JMJD1C: variants seen among roughly 807,000 people sequenced by gnomAD.
JMJD1C encodes jumonji domain containing 1C.
Under a neutral mutation model 245.3 loss-of-function variants are expected in JMJD1C, and 31 were observed. The observed-to-expected ratio is 0.13, with a 90% CI of 0.09 to 0.17. The LOEUF (loss-of-function observed/expected upper bound fraction) is 0.17, where lower values mean the gene tolerates loss of function less well. JMJD1C is among the 10% of genes least tolerant of loss of function. JMJD1C has a pLI of 1.00. For missense variants in JMJD1C, 2,691 were observed against 3,000.2 expected, an observed-to-expected ratio of 0.90 and a Z score of 2.41; for synonymous variants, 1,057 against 1,017.4, an observed-to-expected ratio of 1.04 and a Z score of -0.74.
intron 1 of JMJD1C, among the ~76,000 whole-genome samples, chr10:63,510,071 C>T (rs1286552656): frequency 3.3e-5 from 5 of 151,218 alleles, no homozygotes; most frequent in African/African-American, 7.3e-5. Context: ...GGCGTGATCT[C>T]GGCTCACTGC....
At chr10:63,396,267 T>A (rs1321343041) in intron 1 of JMJD1C, among the ~76,000 whole-genome samples, 1 of 152,108 alleles carries the variant, frequency 6.6e-6, no homozygotes, top group Non-Finnish European at 1.5e-5. Flanking sequence ...AATGAGACAA[T>A]AATCTCGAAC....
chr10:63,408,875 G>C (rs1589691622), intron 1 of JMJD1C, among the ~76,000 whole-genome samples: 1 of 152,028 alleles, frequency 6.6e-6, no homozygotes. Context: ...AGATATAAAG[G>C]CCTGAGGAAA....
intron 2 of JMJD1C, among the ~76,000 whole-genome samples, chr10:63,300,431 T>C (rs749722894): frequency 6.6e-6 from 1 of 152,254 alleles, no homozygotes; most frequent in African/African-American, 2.4e-5. Context: ...AATGGTATTA[T>C]TGTTTCAAGA....
chr10:63,302,823 G>T (rs1377152779), intron 2 of JMJD1C, among the ~76,000 whole-genome samples: 1 of 152,174 alleles, frequency 6.6e-6, no homozygotes, highest in Non-Finnish European at 1.5e-5. Flanking sequence ...GTAGATTCAA[G>T]TCACAATCAA....
intron 2 of JMJD1C, among the ~76,000 whole-genome samples, chr10:63,289,354 C>T (rs1343380499): frequency 3.3e-5 from 5 of 152,082 alleles, no homozygotes; most frequent in Non-Finnish European, 5.9e-5. Context: ...TGGTAAGTTA[C>T]TTTCTAATGA....
chr10:63,478,425 A>G (rs150037289), intron 1 of JMJD1C, among the ~76,000 whole-genome samples: 2 of 152,362 alleles, frequency 1.3e-5, no homozygotes, highest in Non-Finnish European at 2.9e-5. Flanking sequence ...ATGGAGTGCT[A>G]CTCAACAATA....
At chr10:63,493,249 C>CTTTTTTTTTTTTTTTTTTT (rs752941477) in intron 1 of JMJD1C, among the ~76,000 whole-genome samples, 2 of 49,136 alleles carry the variant, frequency 4.1e-5, no homozygotes, top group African/African-American at 8.6e-5. Context: ...ACTGTTATTT[C>CTTTTTTTTTTTTTTTTTTT]TTTTTTTTTT....
At chr10:63,394,222 T>A (rs567290355) in intron 1 of JMJD1C, among the ~76,000 whole-genome samples, 1 of 146,298 alleles carries the variant, frequency 6.8e-6, no homozygotes, top group Non-Finnish European at 1.5e-5. Context: ...TAAAGGTATA[T>A]GGCATCAAAA....
intron 1 of JMJD1C, among the ~76,000 whole-genome samples, chr10:63,382,425 A>G (rs565695820): frequency 6.6e-6 from 1 of 152,294 alleles, no homozygotes; most frequent in Non-Finnish European, 1.5e-5. Flanking sequence ...TTAATGTAAT[A>G]TACATTAACA....
In JMJD1C at chr10:63,183,514, A is replaced by C; in HGVS notation, c.7017T>G (p.Val2339=). The change falls in exon 22 of 26, where the codon GTT becomes GTG. Residue 2339 remains valine, a synonymous_variant. Coordinates refer to ENST00000399262, the MANE Select transcript of JMJD1C (RefSeq NM_032776.3). ...DIGTTNLHIE[V]SDVVNILVYV... is the part of the protein sequence containing the mutation. ...AAACTAGTATATTTACAACATCAGAAACTTCAATATGGAGATTTGTTGTTC... is the reference window on the plus strand; with the variant it reads ...AAACTAGTATATTTACAACATCAGACACTTCAATATGGAGATTTGTTGTTC... 6.2e-7 allele frequency: 1 copy of C among 1,607,424 alleles called. No individual in the cohort carries two copies. Among genetic ancestry groups the C allele is most frequent in the East Asian group, 2.2e-5 (1 of 44,648 alleles).
intron 3 of JMJD1C, among the ~76,000 whole-genome samples, chr10:63,242,804 C>G (rs914988166): frequency 1.3e-5 from 2 of 151,924 alleles, no homozygotes; most frequent in South Asian, 2.1e-4. Flanking sequence ...CCAAACAGAC[C>G]TATTTATTTT....
chr10:63,397,374 C>T (rs1052763706), intron 1 of JMJD1C, among the ~76,000 whole-genome samples: 2 of 151,972 alleles, frequency 1.3e-5, no homozygotes, highest in Non-Finnish European at 2.9e-5. Flanking sequence ...CCACCACACC[C>T]GGCTTATTTT....
At chr10:63,291,129 A>ACT (rs1301789525) in intron 2 of JMJD1C, among the ~76,000 whole-genome samples, 1 of 147,730 alleles carries the variant, frequency 6.8e-6, no homozygotes, top group Admixed American at 6.8e-5. Flanking sequence ...ACACGGTGAA[A>ACT]CTCTCTCTCT....
intron 8 of JMJD1C, among the ~76,000 whole-genome samples, chr10:63,211,113 T>C (rs1161839915): frequency 6.6e-6 from 1 of 152,200 alleles, no homozygotes; most frequent in African/African-American, 2.4e-5. Context: ...CTTTCAAAAC[T>C]GGTAGACCTT....
intron 2 of JMJD1C, among the ~76,000 whole-genome samples, chr10:63,329,288 A>G (rs971524395): frequency 2.6e-5 from 4 of 151,918 alleles, no homozygotes; most frequent in South Asian, 2.1e-4. Context: ...TCAAAAAAAA[A>G]AAAGAAAGAA....
At chr10:63,364,063 C>A (rs1182733640) in intron 2 of JMJD1C, among the ~76,000 whole-genome samples, 2 of 152,072 alleles carry the variant, frequency 1.3e-5, no homozygotes, top group African/African-American at 4.8e-5. Context: ...CTGGGTTTCA[C>A]CATATTAGCC....
At chr10:63,239,811 G>C (rs1401798766) in intron 3 of JMJD1C, among the ~76,000 whole-genome samples, 1 of 152,154 alleles carries the variant, frequency 6.6e-6, no homozygotes, top group Non-Finnish European at 1.5e-5. Flanking sequence ...GATACAGAAT[G>C]ATCAGGAAGA....
chr10:63,249,654 T>C (rs1039789322), intron 3 of JMJD1C, among the ~76,000 whole-genome samples: 2 of 151,968 alleles, frequency 1.3e-5, no homozygotes, highest in African/African-American at 4.8e-5. Context: ...AGGTCAGGAG[T>C]TCCAGACCAG....
chr10:63,292,144 A>ATTTTTTTTTTTTTTTTTTTTTTTTTTT lies in JMJD1C; in HGVS notation c.334-27381_334-27380insAAAAAAAAAAAAAAAAAAAAAAAAAAA. 1.8e-3 allele frequency among the ~76,000 whole-genome samples: 99 copies of ATTTTTTTTTTTTTTTTTTTTTTTTTTT among 56,346 alleles called. 32 individuals are homozygous for ATTTTTTTTTTTTTTTTTTTTTTTTTTT. Among genetic ancestry groups the ATTTTTTTTTTTTTTTTTTTTTTTTTTT allele is most frequent in the East Asian group, 2.3e-3 (4 of 1,746 alleles). 37.0% of individuals were successfully genotyped at this position (56,346 alleles called of 152,430 possible). A position where few individuals can be genotyped will look rare whatever the true frequency, so the allele number is the denominator to read the frequency against. ...TTTTTTTTAGTTTCTGTAGAGACAG[A>ATTTTTTTTTTTTTTTTTTTTTTTTTTT]TTTTTTTTTTTTTTTTTTTGCCTAG... On this transcript the variant is annotated intron_variant, in intron 2 of 25. Transcript: ENST00000399262.
Sources: allele counts gnomAD v4.1 joint callset (sites outside exome capture counted in the v4.1 genomes callset), GRCh38; gene constraint gnomAD v4.1.1; transcripts MANE v1.5; gene names NCBI Gene and HGNC (gene_info 2026-07-23, HGNC 2026-07-21).